Variants in RPS10 observed in about 807,000 individuals in gnomAD.
RPS10 encodes the protein small ribosomal subunit protein eS10.
A neutral mutation model predicts 22.6 loss-of-function variants in RPS10; 2 were observed. The ratio of observed to expected loss-of-function variants is 0.09; its 90% CI spans 0.04 to 0.28. RPS10 has a LOEUF of 0.28. Among genes scored for constraint, RPS10 ranks in the 10% least tolerant of loss-of-function variants. The pLI, the probability that RPS10 is intolerant of heterozygous loss-of-function variation, is 1.00. For synonymous variants in RPS10, 70 were observed against 75.9 expected, an observed-to-expected ratio of 0.92 and a Z score of 0.40; for missense variants, 137 against 222.2, an observed-to-expected ratio of 0.62 and a Z score of 2.44.
chr6:34,425,268 C>CG (rs1296346673), intron 1 of RPS10, 47 bp from the exon 2 acceptor site: 1 of 1,562,554 alleles, frequency 6.4e-7, no homozygotes, highest in Non-Finnish European at 8.7e-7. Context: ...GTAACGAGGC[C>CG]GGGGCCCGGT....
chr6:34,421,864 A>C, intron 3 of RPS10, 57 bp from the exon 4 acceptor site: 1 of 1,605,396 alleles, frequency 6.2e-7, no homozygotes, highest in Non-Finnish European at 8.5e-7. Context: ...CTGTCCCTTA[A>C]AGCCAAGAAA....
intron 4 of RPS10, among the ~76,000 whole-genome samples, chr6:34,420,781 C>A (rs1414516242): frequency 1.3e-5 from 2 of 151,732 alleles, no homozygotes; most frequent in East Asian, 3.9e-4. Context: ...CTGAGGCGGG[C>A]GGATCATGAG....
intron 3 of RPS10, among the ~76,000 whole-genome samples, chr6:34,423,977 C>G (rs1233078004): frequency 6.6e-6 from 1 of 151,880 alleles, no homozygotes; most frequent in Non-Finnish European, 1.5e-5. Context: ...CCTGGGCCCT[C>G]TGATGATCAC....
Position 34,425,059 on chromosome 6 carries a change from C to T in RPS10, c.150+13G>A. On this transcript the variant is annotated intron_variant, in intron 2 of 5. Coordinates refer to ENST00000648437, the MANE Select transcript of RPS10 (RefSeq NM_001014.5). Reference sequence around the variant, plus strand: ...GAGGAAGATCCATCCCATCTTCCTCCTCACCCTCCTACCTGCATGGCCTTC... The same window carrying T: ...GAGGAAGATCCATCCCATCTTCCTCTTCACCCTCCTACCTGCATGGCCTTC... 3.7e-6 allele frequency: 6 copies of T among 1,612,138 alleles called. No homozygotes were observed. Among genetic ancestry groups the T allele is most frequent in the Non-Finnish European group, 5.1e-6 (6 of 1,179,904 alleles).
intron 1 of RPS10, chr6:34,425,588 G>A (rs1765930652): frequency 3.1e-6 from 1 of 323,390 alleles, no homozygotes; most frequent in African/African-American, 2.1e-5. Context: ...TGTACCATAA[G>A]GTACGCAGGG....
At chr6:34,424,167 A>G (rs954864491) in intron 3 of RPS10, 1 of 151,676 alleles carries the variant, frequency 6.6e-6, no homozygotes, top group Non-Finnish European at 1.5e-5. Context: ...AAAAAAAAGC[A>G]ACTGTGAGCT....
chr6:34,421,279 G>C (rs1164202812), intron 4 of RPS10, among the ~76,000 whole-genome samples: 1 of 151,872 alleles, frequency 6.6e-6, no homozygotes, highest in African/African-American at 2.4e-5. Flanking sequence ...TGCCTCCCAG[G>C]TTCAAGCAAT....
rs192560435 is a variant in RPS10, at chr6:34,423,315, G to A, written c.322+1354C>T. Among the ~76,000 whole-genome samples, 6 of 151,752 alleles carry A rather than the reference G, an allele frequency of 4.0e-5. No homozygotes were observed. In the East Asian group the frequency reaches 1.2e-3, roughly 30 times the overall value. ...CCATGCCTGGCTAATTTATTTTTTT[G>A]TAGACGGAGTCTCACTATACTGCCT... On this transcript the variant is annotated intron_variant, in intron 3 of 5. Coordinates refer to ENST00000648437, the MANE Select transcript of RPS10 (RefSeq NM_001014.5).
chr6:34,422,645 G>C (rs890899497), intron 3 of RPS10, among the ~76,000 whole-genome samples: 3 of 151,442 alleles, frequency 2.0e-5, no homozygotes, highest in Non-Finnish European at 4.4e-5. Flanking sequence ...CTTTAGTAGA[G>C]ACAGGGTTTT....
intron 4 of RPS10, among the ~76,000 whole-genome samples, chr6:34,420,747 C>T (rs1581925817): frequency 6.6e-6 from 1 of 152,012 alleles, no homozygotes. Context: ...TGGCTCACAT[C>T]TGTAATCCCA....
At chr6:34,418,674 T>C (rs1406808111) in intron 4 of RPS10, among the ~76,000 whole-genome samples, 1 of 152,136 alleles carries the variant, frequency 6.6e-6, no homozygotes, top group Non-Finnish European at 1.5e-5. Context: ...AAAGGATTCC[T>C]ACTTCCTATC....
At chr6:34,419,559 G>A (rs1022098666) in intron 4 of RPS10, among the ~76,000 whole-genome samples, 4 of 143,382 alleles carry the variant, frequency 2.8e-5, no homozygotes, top group Admixed American at 7.6e-5. Flanking sequence ...TTTTTAAACC[G>A]ATTTATTTGT....
At chr6:34,417,828 A>C in intron 5 of RPS10, 1 of 718,636 alleles carries the variant, frequency 1.4e-6, no homozygotes, top group Non-Finnish European at 2.6e-6. Flanking sequence ...CCAGGATTGG[A>C]CCGTTTCTAC....
In RPS10 at chr6:34,425,044, C is replaced by T. The variant is rs746490089; in HGVS notation, c.150+28G>A. The stretch of plus-strand genomic sequence containing the variant: ...GGATGGGATCCCGGGGAGGAAGATC[C>T]ATCCCATCTTCCTCCTCACCCTCCT... On this transcript the variant is annotated intron_variant, in intron 2 of 5. Coordinates refer to ENST00000648437, the MANE Select transcript of RPS10 (RefSeq NM_001014.5). 3 of 1,611,864 alleles carry T rather than the reference C, an allele frequency of 1.9e-6. No individual in the cohort carries two copies. In the South Asian group the frequency reaches 3.3e-5, roughly 18 times the overall value.
chr6:34,421,231 T>G (rs1228482527), intron 4 of RPS10, among the ~76,000 whole-genome samples: 2 of 151,614 alleles, frequency 1.3e-5, no homozygotes, highest in Non-Finnish European at 2.9e-5. Flanking sequence ...GAGCCATAGA[T>G]CTAATACAAT....
intron 5 of RPS10, 125 bp from the exon 6 acceptor site, chr6:34,417,672 T>C: frequency 1.1e-6 from 1 of 870,488 alleles, no homozygotes; most frequent in Non-Finnish European, 1.9e-6. Context: ...GGGAGAGAGC[T>C]GAGTACAGGC....
At chr6:34,421,190 G>A (rs561072450) in intron 4 of RPS10, among the ~76,000 whole-genome samples, 1 of 145,256 alleles carries the variant, frequency 6.9e-6, no homozygotes, top group Admixed American at 7.0e-5. Flanking sequence ...ATTGGCATTT[G>A]CTTTCCTCCC....
intron 1 of RPS10, chr6:34,425,496 T>C (rs1375501507): frequency 1.2e-5 from 5 of 415,540 alleles, no homozygotes; most frequent in Admixed American, 6.9e-5. Flanking sequence ...CAAAGGTCAA[T>C]GGGGGGGAGA....
chr6:34,420,652 T>G (rs923175439), intron 4 of RPS10, among the ~76,000 whole-genome samples: 18 of 152,026 alleles, frequency 1.2e-4, no homozygotes, highest in Non-Finnish European at 2.1e-4. Context: ...AAGCTAAGAG[T>G]GGTAGAAGTT....
Sources: allele counts gnomAD v4.1 joint callset (sites outside exome capture counted in the v4.1 genomes callset), GRCh38; gene constraint gnomAD v4.1.1; transcripts MANE v1.5; gene names NCBI Gene and HGNC (gene_info 2026-07-23, HGNC 2026-07-21).